LINGO2: variants seen among roughly 807,000 people sequenced by gnomAD.
The protein encoded by LINGO2 is leucine rich repeat and Ig domain containing 2, also known as leucine-rich repeat and immunoglobulin-like domain-containing nogo receptor-interacting protein 2.
A neutral mutation model predicts 30.6 loss-of-function variants in LINGO2; 14 were observed. That is an observed-to-expected ratio of 0.46 (90% CI 0.30 to 0.72). The LOEUF (loss-of-function observed/expected upper bound fraction) is 0.72. Among genes scored for constraint, LINGO2 ranks in the 30% least tolerant of loss-of-function variants. The pLI, the probability that LINGO2 is intolerant of heterozygous loss-of-function variation, is 0.07. For synonymous variants in LINGO2, 317 were observed against 288.5 expected (o/e 1.10, Z -1.00); for missense variants, 729 against 751.7 (o/e 0.97, Z 0.35).
intron 4 of LINGO2, among the ~76,000 whole-genome samples, chr9:28,226,652 AAAGAAAG>A (rs1821167739): frequency 3.3e-5 from 2 of 59,958 alleles, no homozygotes; most frequent in Admixed American, 3.3e-4. Context: ...GGAAAGAAAG[AAAGAAAG>A]AAAGAAAGAA....
intron 3 of LINGO2, among the ~76,000 whole-genome samples, chr9:28,321,398 A>C (rs969826907): frequency 7.2e-5 from 11 of 152,150 alleles, no homozygotes; most frequent in Admixed American, 5.2e-4. Context: ...GACATGCAAA[A>C]GCCAGTGTGC....
At chr9:28,017,708 A>C (rs1049771703) in intron 4 of LINGO2, among the ~76,000 whole-genome samples, 1 of 152,216 alleles carries the variant, frequency 6.6e-6, no homozygotes, top group Non-Finnish European at 1.5e-5. Context: ...TAAAGAAATC[A>C]GAGATGACAC....
At chr9:28,070,066 A>G (rs1003832490) in intron 4 of LINGO2, among the ~76,000 whole-genome samples, 5 of 152,178 alleles carry the variant, frequency 3.3e-5, no homozygotes, top group Non-Finnish European at 7.4e-5. Context: ...AATGTCACAC[A>G]GCGCTCTGAC....
intron 2 of LINGO2, among the ~76,000 whole-genome samples, chr9:28,433,086 C>A (rs907507140): frequency 2.0e-5 from 3 of 151,994 alleles, no homozygotes; most frequent in African/African-American, 7.3e-5. Flanking sequence ...TTTTAGCATT[C>A]AAAATGGCTA....
chr9:27,978,698 C>A (rs1290692737), intron 5 of LINGO2, among the ~76,000 whole-genome samples: 2 of 151,960 alleles, frequency 1.3e-5, no homozygotes, highest in Non-Finnish European at 2.9e-5. Context: ...GCAACCTGAA[C>A]AGACTAAGAC....
chr9:28,857,388 G>C, the LINGO2 span, among the ~76,000 whole-genome samples: 1 of 151,966 alleles, frequency 6.6e-6, no homozygotes, highest in African/African-American at 2.4e-5. Context: ...ACGTATTTCT[G>C]TTCATAACAG....
At chr9:28,843,191 C>T in the LINGO2 span, among the ~76,000 whole-genome samples, 47 of 151,844 alleles carry the variant, frequency 3.1e-4, no homozygotes, top group Admixed American at 2.5e-3. Flanking sequence ...TATTCAAAAA[C>T]GTTCCAGCAT....
At chr9:28,022,263 G>C (rs1166670099) in intron 4 of LINGO2, among the ~76,000 whole-genome samples, 1 of 151,888 alleles carries the variant, frequency 6.6e-6, no homozygotes, top group African/African-American at 2.4e-5. Flanking sequence ...CCTATTCTTC[G>C]TGACATTGCT....
the LINGO2 span, among the ~76,000 whole-genome samples, chr9:28,925,409 AGTCTAATAT>A: frequency 6.6e-6 from 1 of 152,206 alleles, no homozygotes; most frequent in Non-Finnish European, 1.5e-5. Context: ...CCACACAGTC[AGTCTAATAT>A]GTCTATGTGA....
At chr9:28,561,348 G>A (rs1159281355) in intron 1 of LINGO2, among the ~76,000 whole-genome samples, 2 of 151,892 alleles carry the variant, frequency 1.3e-5, no homozygotes, top group Admixed American at 6.6e-5. Flanking sequence ...GCCACTAGGA[G>A]ATACGAACCT....
chr9:28,630,632 G>A (rs1826892318), intron 1 of LINGO2, among the ~76,000 whole-genome samples: 1 of 152,066 alleles, frequency 6.6e-6, no homozygotes, highest in Non-Finnish European at 1.5e-5. Context: ...GGCTTCTAAT[G>A]CTATCAAAAC....
chr9:28,093,395 C>G (rs547572723), intron 4 of LINGO2, among the ~76,000 whole-genome samples: 2 of 151,920 alleles, frequency 1.3e-5, no homozygotes, highest in African/African-American at 2.4e-5. Flanking sequence ...TGAGGCAGAC[C>G]GTGACACTGC....
chr9:28,895,763 C>T, the LINGO2 span, among the ~76,000 whole-genome samples: 1 of 151,968 alleles, frequency 6.6e-6, no homozygotes, highest in African/African-American at 2.4e-5. Flanking sequence ...GGGAGACATC[C>T]AGTTCTCTTG....
the LINGO2 span, among the ~76,000 whole-genome samples, chr9:28,929,552 C>T: frequency 1.3e-3 from 199 of 152,180 alleles, no homozygotes; most frequent in African/African-American, 4.6e-3. Context: ...AGGGCCTCAG[C>T]AAATAGTCCC....
At chr9:28,739,132 ATAAT>A in the LINGO2 span, among the ~76,000 whole-genome samples, 1 of 151,996 alleles carries the variant, frequency 6.6e-6, no homozygotes, top group Non-Finnish European at 1.5e-5. Flanking sequence ...TTTTTACTTG[ATAAT>A]ACATCCTTTC....
At chr9:28,371,653 C>A (rs1380214523) in intron 3 of LINGO2, among the ~76,000 whole-genome samples, 15 of 152,136 alleles carry the variant, frequency 9.9e-5, no homozygotes, top group Non-Finnish European at 1.9e-4. Context: ...CTACGCTGTA[C>A]CTTTATCCAA....
Position 28,264,363 on chromosome 9 carries a change from G to A in LINGO2, c.-87+30845C>T, listed in dbSNP as rs141346265. ...TTAGGGGTACTAATTTAATACAAAG[G>A]TATCTGTACATAAAAATATTATCTC... On this transcript the variant is annotated intron_variant, in intron 4 of 5. Coordinates refer to ENST00000379992, the Ensembl canonical transcript of LINGO2. 4.6e-5 allele frequency among the ~76,000 whole-genome samples: 7 copies of A among 151,912 alleles called. No homozygotes were observed. The East Asian group carries it at 1.4e-3, about 30-fold the overall frequency.
intron 1 of LINGO2, among the ~76,000 whole-genome samples, chr9:28,476,633 A>G (rs766170828): frequency 7.2e-5 from 11 of 151,864 alleles, no homozygotes; most frequent in Non-Finnish European, 1.3e-4. Context: ...AGCCATTCAT[A>G]TATTTGAAGA....
intron 4 of LINGO2, among the ~76,000 whole-genome samples, chr9:28,186,247 G>C (rs577811460): frequency 6.6e-6 from 1 of 152,116 alleles, no homozygotes; most frequent in Non-Finnish European, 1.5e-5. Flanking sequence ...AAATGAAGAG[G>C]CTCATATTGC....
Sources: gnomAD v4.1 joint callset for allele counts (sites outside exome capture counted in the v4.1 genomes callset) on GRCh38, gnomAD v4.1.1 for gene constraint, MANE v1.5 for transcripts, NCBI Gene and HGNC (gene_info 2026-07-23, HGNC 2026-07-21) for gene names.